The following SH2D4B variants were observed in gnomAD, a reference collection of about 807,000 sequenced individuals.
The protein encoded by SH2D4B is SH2 domain containing 4B.
Under a neutral mutation model 61.5 loss-of-function variants are expected in SH2D4B, and 45 were observed. The observed-to-expected ratio is 0.73, with a 90% CI of 0.58 to 0.94. The LOEUF (loss-of-function observed/expected upper bound fraction) is 0.94, where lower values mean the gene tolerates loss of function less well. SH2D4B is among the 40% of genes least tolerant of loss of function. The probability of loss-of-function intolerance (pLI) is 0.00; values close to 1 mark genes in which losing one functional copy is unlikely to be tolerated. For synonymous variants in SH2D4B, 224 were observed against 220.4 expected, an observed-to-expected ratio of 1.02 and a Z score of -0.14; for missense variants, 572 against 574.2, an observed-to-expected ratio of 1.00 and a Z score of 0.04.
intron 5 of SH2D4B, among the ~76,000 whole-genome samples, chr10:80,607,079 T>C (rs1292407988): frequency 6.6e-6 from 1 of 152,254 alleles, no homozygotes; most frequent in Non-Finnish European, 1.5e-5. Flanking sequence ...TTTTAAGGTA[T>C]ATAAATGTAG....
intron 3 of SH2D4B, among the ~76,000 whole-genome samples, chr10:80,578,768 G>A (rs1842154212): frequency 6.6e-6 from 1 of 152,178 alleles, no homozygotes; most frequent in African/African-American, 2.4e-5. Context: ...CAAGTGATGA[G>A]TTTTCAGGCA....
At chr10:80,596,004 T>C (rs1219716871) in intron 4 of SH2D4B, among the ~76,000 whole-genome samples, 1 of 152,176 alleles carries the variant, frequency 6.6e-6, no homozygotes, top group Non-Finnish European at 1.5e-5. Context: ...GGGTGGGGTC[T>C]GTTTATATTC....
intron 3 of SH2D4B, 55 bp downstream of exon 3, chr10:80,571,633 A>G: frequency 6.3e-7 from 1 of 1,592,994 alleles, no homozygotes. Context: ...CCCTGAGACC[A>G]CTGGGGCTGA....
intron 1 of SH2D4B, among the ~76,000 whole-genome samples, chr10:80,550,450 C>T (rs751612241): frequency 2.6e-5 from 4 of 152,080 alleles, no homozygotes; most frequent in African/African-American, 7.2e-5. Context: ...AAAAACTAGC[C>T]GGGCATGGTG....
At position 80,577,167 on chromosome 10, in the gene SH2D4B, T is replaced by A. The variant is rs530718174; in HGVS notation, c.495+5589T>A. ...GAAGCTGTCCTATAAGAATCCCTACTACCCTACACTACACACTGTAAGGAA... is the reference window on the plus strand; with the variant it reads ...GAAGCTGTCCTATAAGAATCCCTACAACCCTACACTACACACTGTAAGGAA... On this transcript the variant is annotated intron_variant, in intron 3 of 7. Transcript: ENST00000646907. Among the ~76,000 whole-genome samples, 10 of 152,294 alleles carry A rather than the reference T, an allele frequency of 6.6e-5. No homozygotes were observed. In the South Asian group the frequency reaches 2.1e-3, roughly 32 times the overall value.
At chr10:80,626,301 A>C (rs1388994385) in intron 6 of SH2D4B, among the ~76,000 whole-genome samples, 1 of 152,162 alleles carries the variant, frequency 6.6e-6, no homozygotes, top group Non-Finnish European at 1.5e-5. Flanking sequence ...GCATACTTGA[A>C]ACTTTTATTC....
intron 3 of SH2D4B, among the ~76,000 whole-genome samples, chr10:80,585,958 C>T (rs987209034): frequency 2.0e-5 from 3 of 152,098 alleles, no homozygotes; most frequent in African/African-American, 7.2e-5. Flanking sequence ...GCTAGGTGGC[C>T]CCACACTCGG....
At chr10:80,574,378 C>CACCT (rs1324441976) in intron 3 of SH2D4B, among the ~76,000 whole-genome samples, 2 of 152,236 alleles carry the variant, frequency 1.3e-5, no homozygotes, top group Non-Finnish European at 2.9e-5. Flanking sequence ...TCAAGCCAAC[C>CACCT]ACCTACCTTG....
intron 1 of SH2D4B, among the ~76,000 whole-genome samples, chr10:80,542,885 G>A (rs1564763356): frequency 6.6e-6 from 1 of 152,052 alleles, no homozygotes; most frequent in Non-Finnish European, 1.5e-5. Context: ...TTCCTACCAG[G>A]CAGCCAGCCT....
At chr10:80,566,235 T>A (rs1841967086) in intron 1 of SH2D4B, among the ~76,000 whole-genome samples, 1 of 151,532 alleles carries the variant, frequency 6.6e-6, no homozygotes, top group African/African-American at 2.4e-5. Flanking sequence ...GGACATCTTG[T>A]CACTCATAGA....
intron 3 of SH2D4B, among the ~76,000 whole-genome samples, chr10:80,583,479 A>G (rs1589344767): frequency 7.3e-6 from 1 of 137,914 alleles, no homozygotes; most frequent in African/African-American, 3.1e-5. Flanking sequence ...GACCAGCCTG[A>G]CCAACATGAT....
chr10:80,597,123 C>T (rs564245801), intron 4 of SH2D4B, among the ~76,000 whole-genome samples: 1 of 152,278 alleles, frequency 6.6e-6, no homozygotes, highest in East Asian at 1.9e-4. Context: ...ATCCCTACAC[C>T]ATTTTATAAA....
rs1424223085 is a variant in SH2D4B at position 80,538,415 on chromosome 10, C to G, written c.84C>G (p.Phe28Leu). Residue 28 changes from phenylalanine to leucine, a missense_variant, in exon 1 of 8, where the codon TTC (phenylalanine) becomes TTG (leucine). By Grantham distance (22) the Phe-to-Leu change is conservative (BLOSUM62 0). Coordinates refer to ENST00000646907, the MANE Select transcript of SH2D4B (RefSeq NM_001388272.1). This position sits in a 1 kb window ranked among gnomAD's most constrained non-coding sequence, Gnocchi z 4.8. Reference sequence around the variant, plus strand: ...GCGATGTGCAGAAGCACATCCTCTTCTACAAAATGCGGGAGGAGCAGCTGA... The same window carrying G: ...GCGATGTGCAGAAGCACATCCTCTTGTACAAAATGCGGGAGGAGCAGCTGA... ...ELSDVQKHIL[F>L]YKMREEQLRR... The G allele has an allele frequency of 1.3e-6, 2 of 1,490,462 alleles. No homozygotes were observed. Among genetic ancestry groups the G allele is most frequent in the African/African-American group, 2.8e-5 (2 of 70,988 alleles). The allele number at this position is 1,490,462 out of a possible 1,614,324, so 92.3% of individuals were successfully genotyped here. A position where few individuals can be genotyped will look rare whatever the true frequency, so the allele number is the denominator to read the frequency against.
chr10:80,550,845 A>G (rs1841750764), intron 1 of SH2D4B, among the ~76,000 whole-genome samples: 1 of 152,188 alleles, frequency 6.6e-6, no homozygotes, highest in African/African-American at 2.4e-5. Flanking sequence ...TCTTCCTGCC[A>G]CAACATAGGA....
chr10:80,638,532 G>A (rs1840230592), intron 7 of SH2D4B, among the ~76,000 whole-genome samples: 2 of 152,150 alleles, frequency 1.3e-5, no homozygotes, highest in South Asian at 4.1e-4. Context: ...TATGTGTCTA[G>A]GAATTTATCC....
At position 80,645,809 on chromosome 10, in the gene SH2D4B, A is replaced by G. The variant is rs1840387932; in HGVS notation, c.*1724A>G. The G allele has an allele frequency of 6.6e-6, 1 of 152,132 alleles. No individual in the cohort carries two copies. Among genetic ancestry groups the G allele is most frequent in the Non-Finnish European group, 1.5e-5 (1 of 68,022 alleles). The allele number at this position is 152,132 out of a possible 1,614,324, so 9.4% of individuals were successfully genotyped here. ...TATACAGAAGTGTTCAATAATATCAATTTTGCAACTCACTCAGCTCCATGG... is the reference window on the plus strand; with the variant it reads ...TATACAGAAGTGTTCAATAATATCAGTTTTGCAACTCACTCAGCTCCATGG... On this transcript the variant is annotated 3_prime_UTR_variant, in exon 8 of 8. Coordinates refer to ENST00000646907, the MANE Select transcript of SH2D4B (RefSeq NM_001388272.1).
At chr10:80,586,836 G>A (rs1161750548) in intron 3 of SH2D4B, among the ~76,000 whole-genome samples, 1 of 152,158 alleles carries the variant, frequency 6.6e-6, no homozygotes, top group Non-Finnish European at 1.5e-5. Flanking sequence ...CACTCATAGT[G>A]AAGGTCTGCA....
Position 80,538,521 on chromosome 10 carries a change from T to C in SH2D4B, c.184+6T>C, listed in dbSNP as rs773925119. On this transcript the variant is annotated splice_donor_region_variant and intron_variant, in intron 1 of 7. Coordinates refer to ENST00000646907, the MANE Select transcript of SH2D4B (RefSeq NM_001388272.1). This position sits in a 1 kb window ranked among gnomAD's most constrained non-coding sequence, Gnocchi z 4.8. ...GCCTCCAAAGACCAAGCGAGGTACG[T>C]GGCTGGGAGTCACAGAGAGGTAGGC... is the stretch of plus-strand genomic sequence containing the variant. 15 of 1,375,858 alleles carry C rather than the reference T, an allele frequency of 1.1e-5. No individual in the cohort carries two copies. The East Asian group carries it at 3.8e-4, about 35-fold the overall frequency. The allele number at this position is 1,375,858 out of a possible 1,614,324, so 85.2% of individuals were successfully genotyped here.
intron 1 of SH2D4B, among the ~76,000 whole-genome samples, chr10:80,546,022 CTCTT>C (rs202017723): frequency 4.9e-5 from 7 of 143,878 alleles, no homozygotes; most frequent in Non-Finnish European, 9.2e-5. Flanking sequence ...TTCTTTCTTT[CTCTT>C]TCTTTCTTTC....
Sources: allele counts gnomAD v4.1 joint callset (sites outside exome capture counted in the v4.1 genomes callset), GRCh38; gene constraint gnomAD v4.1.1; non-coding constraint Gnocchi (gnomAD v3.1); transcripts MANE v1.5; gene names NCBI Gene and HGNC (gene_info 2026-07-23, HGNC 2026-07-21).